FAM168A: variants seen among roughly 807,000 people sequenced by gnomAD.
FAM168A encodes the protein protein FAM168A.
A neutral mutation model predicts 28.5 loss-of-function variants in FAM168A; 3 were observed. The ratio of observed to expected loss-of-function variants is 0.11; its 90% CI spans 0.05 to 0.27. The LOEUF (loss-of-function observed/expected upper bound fraction) is 0.27. Ranked by LOEUF, FAM168A falls within the 10% of genes least tolerant of loss-of-function variation. The pLI is 1.00. For synonymous variants in FAM168A, 122 were observed against 124.2 expected (o/e 0.98, Z 0.12); for missense variants, 222 against 311.5 (o/e 0.71, Z 2.16).
chr11:73,511,268 A>T (rs1269688189), intron 1 of FAM168A, among the ~76,000 whole-genome samples: 1 of 151,080 alleles, frequency 6.6e-6, no homozygotes, highest in Non-Finnish European at 1.5e-5. Context: ...GATGGAGTCC[A>T]GCTCTGTCGC....
At chr11:73,524,805 G>T (rs1015909331) in intron 1 of FAM168A, among the ~76,000 whole-genome samples, 1 of 152,096 alleles carries the variant, frequency 6.6e-6, no homozygotes, top group African/African-American at 2.4e-5. Flanking sequence ...CACCATGTTG[G>T]TCAGGCTGGT....
At chr11:73,582,647 G>C (rs1944261790) in intron 1 of FAM168A, among the ~76,000 whole-genome samples, 1 of 152,162 alleles carries the variant, frequency 6.6e-6, no homozygotes, top group South Asian at 2.1e-4. Context: ...ACAAGCATTT[G>C]ATACAATTTG....
At chr11:73,584,157 G>C (rs551386171) in intron 1 of FAM168A, among the ~76,000 whole-genome samples, 20 of 150,878 alleles carry the variant, frequency 1.3e-4, no homozygotes, top group Non-Finnish European at 2.9e-4. Context: ...TTTAGAAAGG[G>C]GTGTTTTTTA....
At chr11:73,562,746 A>T (rs1212020228) in intron 1 of FAM168A, among the ~76,000 whole-genome samples, 1 of 152,050 alleles carries the variant, frequency 6.6e-6, no homozygotes, top group African/African-American at 2.4e-5. Context: ...GGATTGCTTG[A>T]ACCCAGGAGG....
At chr11:73,523,708 C>T (rs1188880689) in intron 1 of FAM168A, among the ~76,000 whole-genome samples, 1 of 152,054 alleles carries the variant, frequency 6.6e-6, no homozygotes, top group South Asian at 2.1e-4. Flanking sequence ...CTCAGCCTCC[C>T]AAAGTGCTTG....
chr11:73,456,621 T>C (rs115102908), intron 2 of FAM168A, among the ~76,000 whole-genome samples: 172 of 152,382 alleles, frequency 1.1e-3, no homozygotes, highest in African/African-American at 3.9e-3. Context: ...CAGTTTTTCA[T>C]TGTTATTGTT....
intron 1 of FAM168A, among the ~76,000 whole-genome samples, chr11:73,581,906 A>G (rs1178996365): frequency 6.6e-6 from 1 of 151,914 alleles, no homozygotes; most frequent in Non-Finnish European, 1.5e-5. Context: ...TTTAGTAGAG[A>G]CGAGGTTTCA....
intron 1 of FAM168A, among the ~76,000 whole-genome samples, chr11:73,556,714 T>C (rs1330848756): frequency 1.3e-5 from 2 of 151,986 alleles, no homozygotes. Flanking sequence ...TTATATGTAT[T>C]TTACTGCAAT....
chr11:73,477,921 G>GTAGATAGATAGA (rs35031500), intron 1 of FAM168A, among the ~76,000 whole-genome samples: 11 of 147,310 alleles, frequency 7.5e-5, no homozygotes, highest in African/African-American at 1.0e-4. Flanking sequence ...AAGCTGATAT[G>GTAGATAGATAGA]TAGATAGATA....
At chr11:73,452,193 T>C (rs1045683294) in intron 2 of FAM168A, 1 of 152,248 alleles carries the variant, frequency 6.6e-6, no homozygotes, top group Non-Finnish European at 1.5e-5. Flanking sequence ...AAGAAGATAA[T>C]ATGAAGCATG....
chr11:73,420,284 C>G (rs1354128404), intron 3 of FAM168A, among the ~76,000 whole-genome samples: 5 of 152,330 alleles, frequency 3.3e-5, no homozygotes, highest in Non-Finnish European at 5.9e-5. Context: ...TAACCATCTC[C>G]TACTACCTGA....
intron 2 of FAM168A, among the ~76,000 whole-genome samples, chr11:73,453,551 A>ATCTG (rs1867471116): frequency 6.6e-6 from 1 of 152,228 alleles, no homozygotes; most frequent in South Asian, 2.1e-4. Flanking sequence ...CCATGACTAG[A>ATCTG]TCTGTCACAT....
intron 1 of FAM168A, among the ~76,000 whole-genome samples, chr11:73,581,142 T>C (rs989534410): frequency 2.6e-5 from 4 of 152,230 alleles, no homozygotes; most frequent in South Asian, 4.1e-4. Flanking sequence ...CTCTAAACTT[T>C]CCCTGTTCAG....
intron 1 of FAM168A, among the ~76,000 whole-genome samples, chr11:73,494,089 C>T (rs180858763): frequency 6.6e-6 from 1 of 152,114 alleles, no homozygotes; most frequent in Non-Finnish European, 1.5e-5. Context: ...AACACCAAGA[C>T]ATGTACATTA....
At chr11:73,525,135 A>C (rs1324885358) in intron 1 of FAM168A, among the ~76,000 whole-genome samples, 3 of 149,080 alleles carry the variant, frequency 2.0e-5, no homozygotes, top group African/African-American at 7.4e-5. Context: ...GGTTCCTTCT[A>C]TATGTTTCTT....
rs191494899 is a variant in FAM168A, at chr11:73,587,699, T to C, written c.-19+10224A>G. ...TTTACTAAATCTTAATCCTTAATTA[T>C]ACATCTGTTTCATATTCTATGTGAA... On this transcript the variant is annotated intron_variant, in intron 1 of 7. Coordinates refer to ENST00000356467, the MANE Select transcript of FAM168A (RefSeq NM_015159.3). Among the ~76,000 whole-genome samples the C allele has an allele frequency of 1.4e-3, 215 of 152,278 alleles. 1 individual carries two copies. Among genetic ancestry groups the C allele is most frequent in the African/African-American group, 5.1e-3 (210 of 41,564 alleles).
intron 2 of FAM168A, among the ~76,000 whole-genome samples, chr11:73,456,415 T>C (rs1003224602): frequency 2.0e-5 from 3 of 152,216 alleles, no homozygotes; most frequent in African/African-American, 4.8e-5. Context: ...TACTGCTATG[T>C]CTTGAGCTAA....
chr11:73,528,855 T>C (rs957420390), intron 1 of FAM168A, among the ~76,000 whole-genome samples: 1 of 151,974 alleles, frequency 6.6e-6, no homozygotes, highest in Admixed American at 6.6e-5. Flanking sequence ...ATCAGCCTCA[T>C]AAATTTTGCT....
In FAM168A at chr11:73,451,840, T is replaced by C. The variant is rs111943554; in HGVS notation, c.70+16565A>G. Among the ~76,000 whole-genome samples, 27 of 152,364 alleles carry C rather than the reference T, an allele frequency of 1.8e-4. 1 individual carries two copies. Among genetic ancestry groups the C allele is most frequent in the African/African-American group, 6.0e-4 (25 of 41,588 alleles). On this transcript the variant is annotated intron_variant, in intron 2 of 7. Coordinates refer to ENST00000356467, the MANE Select transcript of FAM168A (RefSeq NM_015159.3). ...CTCAAAATGTATCCCCCTTGTTAAATAGTCCATGAGTGTAAGTTAACTATG... is the reference window on the plus strand; with the variant it reads ...CTCAAAATGTATCCCCCTTGTTAAACAGTCCATGAGTGTAAGTTAACTATG...
Sources: allele counts gnomAD v4.1 joint callset (sites outside exome capture counted in the v4.1 genomes callset), GRCh38; gene constraint gnomAD v4.1.1; transcripts MANE v1.5; gene names NCBI Gene and HGNC (gene_info 2026-07-23, HGNC 2026-07-21).